CSMD1: variants seen among roughly 807,000 people sequenced by gnomAD.
The protein encoded by CSMD1 is CUB and Sushi multiple domains 1, also known as CUB and sushi domain-containing protein 1.
Under a neutral mutation model 417.5 loss-of-function variants are expected in CSMD1, and 213 were observed. The ratio of observed to expected loss-of-function variants is 0.51; its 90% CI spans 0.46 to 0.57. The LOEUF (loss-of-function observed/expected upper bound fraction) is 0.57, where lower values mean the gene tolerates loss of function less well. Ranked by LOEUF, CSMD1 falls within the 20% of genes least tolerant of loss-of-function variation. CSMD1 has a pLI of 0.00. For missense variants in CSMD1, 6,923 were observed against 4,529.7 expected (o/e 1.53, Z -15.17); for synonymous variants, 2,862 against 1,736.8 (o/e 1.65, Z -16.11).
intron 1 of CSMD1, among the ~76,000 whole-genome samples, chr8:4,717,310 C>CATATATATAT (rs377764710): frequency 0.18 from 24,590 of 136,586 alleles, 2,569 homozygotes; most frequent in Middle Eastern, 0.27. Flanking sequence ...TCTCTCTCTC[C>CATATATATAT]ATATATATAT....
intron 10 of CSMD1, among the ~76,000 whole-genome samples, chr8:3,524,845 C>G (rs531610867): frequency 6.6e-6 from 1 of 151,094 alleles, no homozygotes; most frequent in Admixed American, 6.7e-5. Flanking sequence ...GCCTTTACAA[C>G]TTCCTTTCTA....
intron 1 of CSMD1, among the ~76,000 whole-genome samples, chr8:4,729,399 G>A (rs916794280): frequency 1.3e-5 from 2 of 152,256 alleles, no homozygotes; most frequent in Middle Eastern, 3.4e-3. Context: ...GAAAAAAGGG[G>A]AAAAATAAAG....
At position 3,900,330 on chromosome 8, in the gene CSMD1, T is replaced by C. The variant is rs538246623; in HGVS notation, c.818+97573A>G. Among the ~76,000 whole-genome samples the C allele has an allele frequency of 2.7e-5, 4 of 150,864 alleles. No homozygotes were observed. In the South Asian group the frequency reaches 8.5e-4, roughly 32 times the overall value. On this transcript the variant is annotated intron_variant, in intron 5 of 69. Coordinates refer to ENST00000635120, the MANE Select transcript of CSMD1 (RefSeq NM_033225.6). ...GGGTGACAGTGCAGCTGGATGACAC[T>C]ACAGCTGGGTGACAGTGTAGCTGGT... is the stretch of plus-strand genomic sequence containing the variant.
intron 3 of CSMD1, among the ~76,000 whole-genome samples, chr8:4,105,160 A>T (rs1045592550): frequency 6.6e-6 from 1 of 152,204 alleles, no homozygotes; most frequent in African/African-American, 2.4e-5. Context: ...ACTGAAAATT[A>T]GATATCCATT....
chr8:3,558,035 A>T (rs990486366), intron 10 of CSMD1, among the ~76,000 whole-genome samples: 4 of 146,794 alleles, frequency 2.7e-5, no homozygotes, highest in Non-Finnish European at 6.0e-5. Flanking sequence ...GTGCCTCAGA[A>T]GTAACCCGTG....
At chr8:3,715,617 A>G (rs1801786705) in intron 6 of CSMD1, among the ~76,000 whole-genome samples, 1 of 152,176 alleles carries the variant, frequency 6.6e-6, no homozygotes, top group South Asian at 2.1e-4. Context: ...ATCTGGACTC[A>G]CTGCAACCTC....
chr8:4,854,109 T>G (rs923615832), intron 1 of CSMD1, among the ~76,000 whole-genome samples: 32 of 152,132 alleles, frequency 2.1e-4, no homozygotes, highest in African/African-American at 7.7e-4. Flanking sequence ...GACATAGAAC[T>G]TTTGAGTTAA....
chr8:4,392,638 G>T (rs55879555), intron 3 of CSMD1, among the ~76,000 whole-genome samples: 9 of 151,480 alleles, frequency 5.9e-5, no homozygotes, highest in Admixed American at 2.6e-4. Context: ...GGGTTTTTTG[G>T]GGGGGAGGGT....
intron 52 of CSMD1, among the ~76,000 whole-genome samples, chr8:3,000,358 G>T (rs905840324): frequency 2.0e-5 from 3 of 150,276 alleles, no homozygotes; most frequent in South Asian, 2.1e-4. Flanking sequence ...GAAATGGTTT[G>T]TATTTTCCTA....
chr8:3,997,523 G>C (rs537798540), intron 5 of CSMD1, among the ~76,000 whole-genome samples: 1 of 152,194 alleles, frequency 6.6e-6, no homozygotes, highest in East Asian at 1.9e-4. Flanking sequence ...ATCTGCAGCA[G>C]TCTGTCAATT....
chr8:4,787,673 T>C (rs1298477460), intron 1 of CSMD1: 4 of 1,588,730 alleles, frequency 2.5e-6, no homozygotes, highest in Non-Finnish European at 2.6e-6. Flanking sequence ...AGGATATAAG[T>C]TTACCCACCT....
At chr8:4,051,746 CA>C (rs1798434457) in intron 3 of CSMD1, among the ~76,000 whole-genome samples, 1 of 152,168 alleles carries the variant, frequency 6.6e-6, no homozygotes, top group Admixed American at 6.5e-5. Flanking sequence ...GGCAAAGAAA[CA>C]CCACTGCTGG....
chr8:3,941,122 C>T (rs189091177), intron 5 of CSMD1, among the ~76,000 whole-genome samples: 1 of 151,870 alleles, frequency 6.6e-6, no homozygotes. Context: ...AAAAATAACT[C>T]ATATGTATAC....
At chr8:3,948,038 T>G (rs1811355201) in intron 5 of CSMD1, among the ~76,000 whole-genome samples, 1 of 152,118 alleles carries the variant, frequency 6.6e-6, no homozygotes, top group South Asian at 2.1e-4. Flanking sequence ...AAACCCCGTC[T>G]CTACTAAAAA....
At chr8:3,285,276 T>C (rs184536472) in intron 25 of CSMD1, among the ~76,000 whole-genome samples, 18 of 152,348 alleles carry the variant, frequency 1.2e-4, no homozygotes, top group African/African-American at 4.1e-4. Context: ...GTGTAAGGTA[T>C]GGAATGTGTG....
At chr8:4,127,827 C>G (rs950363523) in intron 3 of CSMD1, among the ~76,000 whole-genome samples, 4 of 152,074 alleles carry the variant, frequency 2.6e-5, no homozygotes, top group African/African-American at 7.2e-5. Flanking sequence ...ATTTATCATT[C>G]TTATTATTAT....
intron 1 of CSMD1, among the ~76,000 whole-genome samples, chr8:4,738,084 C>A (rs116290216): frequency 1.3e-5 from 2 of 152,104 alleles, no homozygotes; most frequent in East Asian, 3.9e-4. Context: ...ATGCCAACAC[C>A]AGGTGAATGG....
At chr8:4,882,433 G>C (rs1427331174) in intron 1 of CSMD1, among the ~76,000 whole-genome samples, 1 of 151,482 alleles carries the variant, frequency 6.6e-6, no homozygotes, top group Non-Finnish European at 1.5e-5. Context: ...TTCAAATTCC[G>C]GAGGGAATTT....
intron 3 of CSMD1, among the ~76,000 whole-genome samples, chr8:4,082,445 G>A (rs1008820949): frequency 2.0e-5 from 3 of 152,078 alleles, no homozygotes; most frequent in African/African-American, 4.8e-5. Context: ...AATAGAGGAA[G>A]GGCAAAGATT....
Sources: gnomAD v4.1 joint callset for allele counts (sites outside exome capture counted in the v4.1 genomes callset) on GRCh38, gnomAD v4.1.1 for gene constraint, MANE v1.5 for transcripts, NCBI Gene and HGNC (gene_info 2026-07-23, HGNC 2026-07-21) for gene names.